ASPH: variants seen among roughly 807,000 people sequenced by gnomAD.
The protein encoded by ASPH is aspartate beta-hydroxylase.
ASPH carries 100 observed loss-of-function variants against 118.4 expected under a neutral mutation model. The observed-to-expected ratio is 0.84, with a 90% confidence interval of 0.72 to 1.00. The LOEUF (loss-of-function observed/expected upper bound fraction) is 1.00. ASPH is among the 50% of genes least tolerant of loss of function. The pLI, the probability that ASPH is intolerant of heterozygous loss-of-function variation, is 0.00. For missense variants in ASPH, 920 were observed against 919.5 expected (o/e 1.00, Z -0.01); for synonymous variants, 315 against 325.6 (o/e 0.97, Z 0.35).
intron 13 of ASPH, chr8:61,625,619 A>C (rs1265975111): frequency 1.8e-5 from 17 of 967,744 alleles, no homozygotes; most frequent in African/African-American, 3.8e-5. Context: ...AATAAATGAT[A>C]ATTTAAAACT....
chr8:61,708,138 G>A (rs562235937), intron 1 of ASPH, among the ~76,000 whole-genome samples: 124 of 152,216 alleles, frequency 8.1e-4, no homozygotes, highest in African/African-American at 2.8e-3. Context: ...GTCAGTACAT[G>A]GGCATCCACT....
At chr8:61,702,358 C>T (rs1160120900) in intron 1 of ASPH, among the ~76,000 whole-genome samples, 7 of 148,534 alleles carry the variant, frequency 4.7e-5, no homozygotes, top group Non-Finnish European at 1.0e-4. Context: ...AATCTTGGCT[C>T]ACTGCAAGCT....
intron 14 of ASPH, chr8:61,606,691 A>G (rs1481379676): frequency 6.6e-6 from 1 of 152,254 alleles, no homozygotes. Context: ...TGATGAATCA[A>G]AGTAGCAAAA....
rs775523503 is a variant in ASPH, at chr8:61,577,399, C to CAAAAAAAAAAAAA, written c.1063-554_1063-542dup. ...AAAATGGCAAGGATGCCCAATCTCG[C>CAAAAAAAAAAAAA]AAAAAAAAAAAAAAAAAAAAAAAAG... is the stretch of plus-strand genomic sequence containing the variant. On this transcript the variant is annotated intron_variant, in intron 15 of 24. Coordinates refer to ENST00000379454, the MANE Select transcript of ASPH (RefSeq NM_004318.4). 6.0e-4 allele frequency among the ~76,000 whole-genome samples: 14 copies of CAAAAAAAAAAAAA among 23,280 alleles called. 1 individual carries two copies. Among genetic ancestry groups the CAAAAAAAAAAAAA allele is most frequent in the African/African-American group, 7.3e-4 (4 of 5,454 alleles). 15.3% of individuals were successfully genotyped at this position (23,280 alleles called of 152,430 possible). A position where few individuals can be genotyped will look rare whatever the true frequency, so the allele number is the denominator to read the frequency against.
At chr8:61,714,224 A>G in intron 1 of ASPH, 45 bp downstream of exon 1, 1 of 1,425,468 alleles carries the variant, frequency 7.0e-7, no homozygotes, top group South Asian at 1.4e-5. Context: ...CCGGCTCCCT[A>G]CCCCGAGGCG....
At chr8:61,511,559 T>C (rs1160711295) in intron 24 of ASPH, among the ~76,000 whole-genome samples, 1 of 152,196 alleles carries the variant, frequency 6.6e-6, no homozygotes, top group African/African-American at 2.4e-5. Context: ...GACATGTTTA[T>C]CCCCTGACTC....
intron 1 of ASPH, among the ~76,000 whole-genome samples, chr8:61,686,159 A>C (rs2151715160): frequency 6.6e-6 from 1 of 152,326 alleles, no homozygotes; most frequent in South Asian, 2.1e-4. Flanking sequence ...CAAATGACAA[A>C]TGGCCATCAA....
At chr8:61,631,181 T>A (rs1295454631) in intron 13 of ASPH, among the ~76,000 whole-genome samples, 1 of 152,168 alleles carries the variant, frequency 6.6e-6, no homozygotes, top group Non-Finnish European at 1.5e-5. Flanking sequence ...TTAAAAAAAT[T>A]ACAGTAAACC....
chr8:61,650,955 T>C lies in ASPH; in HGVS notation c.490+95A>G, dbSNP rs1016361633. Reference sequence around the variant, plus strand: ...CTTTTTAAAAAACACAAACACCCAATTAACCTTTAAATTTTAAAACAAATG... The same window carrying C: ...CTTTTTAAAAAACACAAACACCCAACTAACCTTTAAATTTTAAAACAAATG... On this transcript the variant is annotated intron_variant, in intron 5 of 24. Coordinates refer to ENST00000379454, the MANE Select transcript of ASPH (RefSeq NM_004318.4). The C allele has an allele frequency of 1.6e-5, 21 of 1,302,144 alleles. No individual in the cohort carries two copies. In the Admixed American group the frequency reaches 4.9e-4, roughly 30 times the overall value. The allele number at this position is 1,302,144 out of a possible 1,614,324, so 80.7% of individuals were successfully genotyped here.
intron 12 of ASPH, among the ~76,000 whole-genome samples, chr8:61,634,932 C>T (rs1857097653): frequency 6.6e-6 from 1 of 152,178 alleles, no homozygotes; most frequent in African/African-American, 2.4e-5. Flanking sequence ...TCAACAAACT[C>T]ATATGAAATT....
intron 3 of ASPH, chr8:61,668,307 TA>T: frequency 6.4e-7 from 1 of 1,567,118 alleles, no homozygotes; most frequent in Non-Finnish European, 8.7e-7. Flanking sequence ...AAATAGGTTA[TA>T]AACAGAAAAT....
chr8:61,533,144 T>C (rs912474233), intron 21 of ASPH, among the ~76,000 whole-genome samples: 3 of 151,908 alleles, frequency 2.0e-5, no homozygotes, highest in Non-Finnish European at 4.4e-5. Context: ...ACTCTTTTTA[T>C]CTGAATGTCA....
chr8:61,684,255 T>A (rs1829528373), intron 1 of ASPH, 67 bp from the exon 2 acceptor site: 1 of 1,482,786 alleles, frequency 6.7e-7, no homozygotes, highest in Non-Finnish European at 9.1e-7. Flanking sequence ...TTCTCACAAT[T>A]ATTTCTCCAA....
chr8:61,524,081 T>C (rs1814302157), intron 22 of ASPH, among the ~76,000 whole-genome samples: 1 of 152,146 alleles, frequency 6.6e-6, no homozygotes, highest in Non-Finnish European at 1.5e-5. Context: ...ATCCTGCCAA[T>C]CAATCAATCA....
At chr8:61,518,236 G>A in intron 22 of ASPH, 113 bp from the exon 23 acceptor site, 1 of 828,784 alleles carries the variant, frequency 1.2e-6, no homozygotes, top group South Asian at 2.0e-5. Context: ...AGAAGATTGA[G>A]TAAACATGAG....
chr8:61,664,920 A>G (rs2151337551), intron 3 of ASPH: 3 of 1,050,240 alleles, frequency 2.9e-6, no homozygotes, highest in Non-Finnish European at 3.4e-6. Flanking sequence ...AATAACATTT[A>G]AAATCTTAAT....
intron 22 of ASPH, among the ~76,000 whole-genome samples, chr8:61,520,643 T>C (rs1208420567): frequency 1.3e-5 from 2 of 152,148 alleles, no homozygotes; most frequent in Non-Finnish European, 2.9e-5. Flanking sequence ...AACCTACGAG[T>C]CACCGTAAAG....
At chr8:61,587,641 T>C (rs1839860780) in intron 14 of ASPH, among the ~76,000 whole-genome samples, 1 of 152,230 alleles carries the variant, frequency 6.6e-6, no homozygotes, top group South Asian at 2.1e-4. Context: ...TGTCACGATA[T>C]TTCAATAACA....
intron 24 of ASPH, among the ~76,000 whole-genome samples, chr8:61,504,167 G>T (rs192271447): frequency 6.6e-6 from 1 of 152,124 alleles, no homozygotes; most frequent in Non-Finnish European, 1.5e-5. Context: ...TAGGGACTGC[G>T]ATCTAAATAT....
Sources: gnomAD v4.1 joint callset for allele counts (sites outside exome capture counted in the v4.1 genomes callset) on GRCh38, gnomAD v4.1.1 for gene constraint, MANE v1.5 for transcripts, NCBI Gene and HGNC (gene_info 2026-07-23, HGNC 2026-07-21) for gene names.